Variants in ADGRL2 observed in about 807,000 individuals in gnomAD.
ADGRL2 encodes calcium-independent alpha-latrotoxin receptor 2.
ADGRL2 carries 44 observed loss-of-function variants against 157.4 expected under a neutral mutation model. That is an observed-to-expected ratio of 0.28 (90% CI 0.22 to 0.36). ADGRL2 has a LOEUF of 0.36. Ranked by LOEUF, ADGRL2 falls within the 10% of genes least tolerant of loss-of-function variation. The pLI, the probability that ADGRL2 is intolerant of heterozygous loss-of-function variation, is 1.00. For synonymous variants in ADGRL2, 585 were observed against 624.7 expected (o/e 0.94, Z 0.95); for missense variants, 1,510 against 1,768.9 (o/e 0.85, Z 2.63).
At chr1:81,469,196 CAGG>C (rs1273716947) in intron 2 of ADGRL2, among the ~76,000 whole-genome samples, 1 of 152,152 alleles carries the variant, frequency 6.6e-6, no homozygotes, top group Non-Finnish European at 1.5e-5. Flanking sequence ...ATCAGCAGTC[CAGG>C]AGGTTTTGAT....
At chr1:81,593,426 G>T (rs988309531) in intron 3 of ADGRL2, among the ~76,000 whole-genome samples, 4 of 152,204 alleles carry the variant, frequency 2.6e-5, no homozygotes, top group African/African-American at 9.6e-5. Flanking sequence ...GTTAATGCTA[G>T]TATCTACCTC....
chr1:81,985,425 T>C, intron 21 of ADGRL2, 70 bp downstream of exon 21: 1 of 770,120 alleles, frequency 1.3e-6, no homozygotes, highest in Non-Finnish European at 2.2e-6. Flanking sequence ...TATTCAATAA[T>C]GTAATGTAAG....
intron 21 of ADGRL2, among the ~76,000 whole-genome samples, chr1:81,986,091 C>G (rs902007036): frequency 6.6e-6 from 1 of 151,914 alleles, no homozygotes; most frequent in African/African-American, 2.4e-5. Context: ...CAATACTAAC[C>G]TGAATTTTAA....
chr1:81,928,142 TG>T (rs2095151100), intron 3 of ADGRL2, among the ~76,000 whole-genome samples: 1 of 152,086 alleles, frequency 6.6e-6, no homozygotes, highest in African/African-American at 2.4e-5. Flanking sequence ...GTTCTAAATT[TG>T]GACTAAAAAA....
At position 81,929,831 on chromosome 1, in the gene ADGRL2, G is replaced by A. The variant is rs529801881; in HGVS notation, c.288-6897G>A. The stretch of plus-strand genomic sequence containing the variant: ...TGTTATTATTGGTATTTTTGGTGGC[G>A]GTGGTGGTAATTTATATTTCTTGAT... On this transcript the variant is annotated intron_variant, in intron 3 of 23. Coordinates refer to ENST00000686636, the MANE Select transcript of ADGRL2 (RefSeq NM_001366006.2). 2.6e-5 allele frequency among the ~76,000 whole-genome samples: 4 copies of A among 152,226 alleles called. No homozygotes were observed. In the East Asian group the frequency reaches 5.8e-4, roughly 22 times the overall value.
At chr1:81,786,756 TA>T (rs2087067965) in intron 2 of ADGRL2, among the ~76,000 whole-genome samples, 1 of 152,234 alleles carries the variant, frequency 6.6e-6, no homozygotes, top group Non-Finnish European at 1.5e-5. Flanking sequence ...TTGTTTGCCT[TA>T]AAACATTTTG....
intron 1 of ADGRL2, among the ~76,000 whole-genome samples, chr1:81,383,372 A>G (rs1271523460): frequency 6.6e-6 from 1 of 152,122 alleles, no homozygotes; most frequent in Non-Finnish European, 1.5e-5. Context: ...TTCATGTTGT[A>G]AGTATTCCAT....
chr1:81,842,801 C>G (rs899184745), intron 2 of ADGRL2, among the ~76,000 whole-genome samples: 2 of 152,172 alleles, frequency 1.3e-5, no homozygotes, highest in African/African-American at 2.4e-5. Flanking sequence ...CTCTTTCACT[C>G]TAATACCCTG....
chr1:81,673,178 C>A (rs2082909744), intron 3 of ADGRL2, among the ~76,000 whole-genome samples: 1 of 152,146 alleles, frequency 6.6e-6, no homozygotes. Flanking sequence ...CATTTCAAGC[C>A]ACACATACCT....
chr1:81,747,701 TTG>T (rs10556401), intron 1 of ADGRL2, among the ~76,000 whole-genome samples: 42,173 of 147,122 alleles, frequency 0.29, 6,067 homozygotes, highest in Admixed American at 0.4. Context: ...CCTTTAATGT[TTG>T]TGTGTGTGTG....
At chr1:81,717,831 T>C (rs927343091) in intron 1 of ADGRL2, among the ~76,000 whole-genome samples, 4 of 152,240 alleles carry the variant, frequency 2.6e-5, no homozygotes, top group African/African-American at 9.6e-5. Context: ...GTTTCTGTTA[T>C]AGTCATTGAC....
chr1:81,954,594 T>C (rs114820411), intron 10 of ADGRL2, among the ~76,000 whole-genome samples: 3,541 of 152,276 alleles, frequency 0.023, 70 homozygotes, highest in Non-Finnish European at 0.038. Flanking sequence ...ATCTGGCCTC[T>C]GCAGACCAAT....
At chr1:81,415,416 G>A (rs2077015594) in intron 1 of ADGRL2, among the ~76,000 whole-genome samples, 2 of 152,126 alleles carry the variant, frequency 1.3e-5, no homozygotes, top group Non-Finnish European at 1.5e-5. Flanking sequence ...ATTTATTAAA[G>A]AAGTTCAAAA....
intron 1 of ADGRL2, among the ~76,000 whole-genome samples, chr1:81,414,595 T>C (rs974363562): frequency 2.6e-5 from 4 of 152,142 alleles, no homozygotes; most frequent in African/African-American, 9.7e-5. Context: ...GCCGCCGTGA[T>C]ACGATAGGTG....
intron 1 of ADGRL2, among the ~76,000 whole-genome samples, chr1:81,348,540 C>T (rs917632187): frequency 6.6e-6 from 1 of 151,774 alleles, no homozygotes; most frequent in African/African-American, 2.4e-5. Flanking sequence ...CTGAACTTGG[C>T]TAAAAGTAAA....
chr1:81,404,194 G>A (rs903635045), intron 1 of ADGRL2, among the ~76,000 whole-genome samples: 4 of 152,142 alleles, frequency 2.6e-5, no homozygotes, highest in African/African-American at 9.7e-5. Context: ...ACCGGAATCA[G>A]ATATACAGCA....
intron 2 of ADGRL2, among the ~76,000 whole-genome samples, chr1:81,871,679 T>C (rs771664111): frequency 6.6e-6 from 1 of 152,234 alleles, no homozygotes; most frequent in African/African-American, 2.4e-5. Flanking sequence ...ATTTCTCTGA[T>C]GACCGATGAT....
intron 2 of ADGRL2, among the ~76,000 whole-genome samples, chr1:81,788,703 T>C (rs914624486): frequency 6.6e-5 from 10 of 152,090 alleles, no homozygotes; most frequent in African/African-American, 1.7e-4. Context: ...CATTTTTTCT[T>C]CAGAAGTTGG....
chr1:81,754,664 C>G (rs1330837638), intron 1 of ADGRL2, among the ~76,000 whole-genome samples: 1 of 141,316 alleles, frequency 7.1e-6, no homozygotes, highest in Non-Finnish European at 1.5e-5. Context: ...CTTCCTCCCT[C>G]CCTTCCTCCT....
Sources: gnomAD v4.1 joint callset for allele counts (sites outside exome capture counted in the v4.1 genomes callset) on GRCh38, gnomAD v4.1.1 for gene constraint, MANE v1.5 for transcripts, NCBI Gene and HGNC (gene_info 2026-07-23, HGNC 2026-07-21) for gene names.